Variants in SV2B observed in about 807,000 individuals in gnomAD.
The protein encoded by SV2B is solute carrier family 22 member B2.
In SV2B, 41 loss-of-function variants were observed where a neutral mutation model predicts 73.9. That is an observed-to-expected ratio of 0.56 (90% CI 0.43 to 0.72). The LOEUF (loss-of-function observed/expected upper bound fraction) is 0.72. SV2B is among the 30% of genes least tolerant of loss of function. The probability of loss-of-function intolerance (pLI) is 0.00; values close to 1 mark genes in which losing one functional copy is unlikely to be tolerated. For missense variants in SV2B, 764 were observed against 857.8 expected, an observed-to-expected ratio of 0.89 and a Z score of 1.37; for synonymous variants, 314 against 314.2, an observed-to-expected ratio of 1.00 and a Z score of 0.01.
intron 1 of SV2B, among the ~76,000 whole-genome samples, chr15:91,151,564 A>G (rs1310850823): frequency 2.0e-5 from 3 of 152,266 alleles, no homozygotes; most frequent in Non-Finnish European, 4.4e-5. Flanking sequence ...ACACAGGGAA[A>G]GATAGAATTA....
At chr15:91,275,453 A>G (rs746949021) in intron 9 of SV2B, among the ~76,000 whole-genome samples, 1 of 152,170 alleles carries the variant, frequency 6.6e-6, no homozygotes, top group Non-Finnish European at 1.5e-5. Flanking sequence ...TACTTGTTTT[A>G]CATATGCTAT....
At position 91,220,902 on chromosome 15, in the gene SV2B, C is replaced by T. The variant is rs1386359537; in HGVS notation, c.-391-4971C>T. 6.6e-6 allele frequency among the ~76,000 whole-genome samples: 1 copy of T among 152,030 alleles called. No individual in the cohort carries two copies. Among genetic ancestry groups the T allele is most frequent in the Admixed American group, 6.6e-5 (1 of 15,262 alleles). On this transcript the variant is annotated intron_variant, in intron 1 of 12. Coordinates refer to ENST00000394232, the MANE Select transcript of SV2B (RefSeq NM_001323032.3). The surrounding 1 kb of genome is among the most constrained non-coding windows in gnomAD (Gnocchi z 4.1). Reference sequence around the variant, plus strand: ...TTTTGAGACAGGGGTCTCTCTCTTTCACCCAGGCTGGAGGGCAGTGACATG... The same window carrying T: ...TTTTGAGACAGGGGTCTCTCTCTTTTACCCAGGCTGGAGGGCAGTGACATG...
At position 91,242,759 on chromosome 15, in the gene SV2B, A is replaced by C. The variant is rs2047071433; in HGVS notation, c.452-9060A>C. Among the ~76,000 whole-genome samples the C allele has an allele frequency of 6.6e-6, 1 of 152,196 alleles. No individual in the cohort carries two copies. The highest frequency in any genetic ancestry group is 6.5e-5 in the Admixed American group (1 of 15,278). On this transcript the variant is annotated intron_variant, in intron 2 of 12. Coordinates refer to ENST00000394232, the MANE Select transcript of SV2B (RefSeq NM_001323032.3). This position sits in a 1 kb window ranked among gnomAD's most constrained non-coding sequence, Gnocchi z 4.9. ...CAGGAGTTACCTATTATTTTTTTAA[A>C]TACGAATACTCACTTTCTGAACATG...
At chr15:91,160,591 G>T (rs1468889623) in intron 1 of SV2B, among the ~76,000 whole-genome samples, 1 of 152,176 alleles carries the variant, frequency 6.6e-6, no homozygotes, top group Admixed American at 6.5e-5. Flanking sequence ...CTGGGTGACA[G>T]AATGAGACTC....
At position 91,128,249 on chromosome 15, in the gene SV2B, C is replaced by T. The variant is rs2042542761; in HGVS notation, c.-392+27886C>T. Among the ~76,000 whole-genome samples the T allele has an allele frequency of 6.6e-6, 1 of 152,292 alleles. No individual in the cohort carries two copies. The highest frequency in any genetic ancestry group is 2.1e-4 in the South Asian group (1 of 4,826). ...TCCACCAGTGAGTCATCCGCAGAGG[C>T]TGTTCTCCAAGAAGGTGGGATGGGA... On this transcript the variant is annotated intron_variant, in intron 1 of 12. Coordinates refer to ENST00000394232, the MANE Select transcript of SV2B (RefSeq NM_001323032.3). The surrounding 1 kb of genome is among the most constrained non-coding windows in gnomAD (Gnocchi z 4.2).
At chr15:91,206,203 T>TA (rs2141404101) in intron 1 of SV2B, among the ~76,000 whole-genome samples, 1 of 136,452 alleles carries the variant, frequency 7.3e-6, no homozygotes, top group South Asian at 2.5e-4. Flanking sequence ...ATGCCTGGCT[T>TA]TTTTTTTTTT....
At position 91,226,549 on chromosome 15, in the gene SV2B, G is replaced by A. The variant is rs767982613; in HGVS notation, c.286G>A (p.Glu96Lys). 11 of 1,614,070 alleles carry A rather than the reference G, an allele frequency of 6.8e-6. No individual in the cohort carries two copies. The highest frequency in any genetic ancestry group is 1.7e-5 in the Admixed American group (1 of 60,004). The stretch of plus-strand genomic sequence containing the variant: ...TGAGGAGCAGTTGGCCCACCAGTAC[G>A]AGACCATCATGGATGAGTGTGGCCA... ...EDEEQLAHQY[E>K]TIMDECGHGR... Residue 96 changes from glutamate to lysine, a missense_variant, in exon 2 of 13, where the codon GAG becomes AAG. Glu to Lys is a moderately conservative substitution (Grantham distance 56). Transcript: ENST00000394232.
chr15:91,301,035 A>G lies in SV2B; in HGVS notation c.*8483A>G, dbSNP rs2049427048. On this transcript the variant is annotated 3_prime_UTR_variant, in exon 13 of 13. Coordinates refer to ENST00000394232, the MANE Select transcript of SV2B (RefSeq NM_001323032.3). This position sits in a 1 kb window ranked among gnomAD's most constrained non-coding sequence, Gnocchi z 4.3. The stretch of plus-strand genomic sequence containing the variant: ...CTTCAACCTGAGATAATTAAGAGTC[A>G]TTACGTTTCCCAGTCCCATGTCACA... The G allele has an allele frequency of 6.6e-6, 1 of 152,222 alleles. No individual in the cohort carries two copies. Among genetic ancestry groups the G allele is most frequent in the Non-Finnish European group, 1.5e-5 (1 of 68,052 alleles). The allele number at this position is 152,222 out of a possible 1,614,324, so 9.4% of individuals were successfully genotyped here.
rs1035466222 is a variant in SV2B, at chr15:91,121,882, C to T, written c.-392+21519C>T. 5.9e-5 allele frequency among the ~76,000 whole-genome samples: 9 copies of T among 151,396 alleles called. No individual in the cohort carries two copies. Among genetic ancestry groups the T allele is most frequent in the African/African-American group, 2.2e-4 (9 of 41,102 alleles). On this transcript the variant is annotated intron_variant, in intron 1 of 12. Transcript: ENST00000394232. This position sits in a 1 kb window ranked among gnomAD's most constrained non-coding sequence, Gnocchi z 4.4. Reference sequence around the variant, plus strand: ...CTCTGCCTTCTGGGTTCACGCCATTCTCCTGCCTCAGCCTCCCGAGTAGCT... The same window carrying T: ...CTCTGCCTTCTGGGTTCACGCCATTTTCCTGCCTCAGCCTCCCGAGTAGCT...
chr15:91,266,897 C>A, intron 7 of SV2B: 1 of 430,456 alleles, frequency 2.3e-6, no homozygotes, highest in South Asian at 5.6e-5. Context: ...CTCTCTAAAT[C>A]TTAGTTTCTT....
chr15:91,172,814 A>T (rs948110622), intron 1 of SV2B, among the ~76,000 whole-genome samples: 9 of 152,242 alleles, frequency 5.9e-5, no homozygotes, highest in African/African-American at 2.2e-4. Context: ...GTGAATTAAT[A>T]TACGTAAAGT....
chr15:91,150,085 C>A (rs529246352), intron 1 of SV2B, among the ~76,000 whole-genome samples: 1 of 152,270 alleles, frequency 6.6e-6, no homozygotes, highest in East Asian at 1.9e-4. Flanking sequence ...GCTACTGCAA[C>A]CTCCACCTTC....
intron 10 of SV2B, among the ~76,000 whole-genome samples, chr15:91,282,216 G>T (rs1030715954): frequency 6.6e-6 from 1 of 152,214 alleles, no homozygotes; most frequent in African/African-American, 2.4e-5. Context: ...TGCATTTTAT[G>T]CACGGAATGC....
chr15:91,162,175 G>T (rs1430279356), intron 1 of SV2B, among the ~76,000 whole-genome samples: 1 of 152,068 alleles, frequency 6.6e-6, no homozygotes, highest in East Asian at 1.9e-4. Context: ...TTTGGAGATT[G>T]ACTGGATAAT....
At chr15:91,138,577 G>T (rs2042911597) in intron 1 of SV2B, among the ~76,000 whole-genome samples, 1 of 152,064 alleles carries the variant, frequency 6.6e-6, no homozygotes, top group African/African-American at 2.4e-5. Context: ...AAAATGGATG[G>T]TTGCATCTGT....
intron 4 of SV2B, among the ~76,000 whole-genome samples, chr15:91,254,986 A>T (rs934264970): frequency 1.3e-5 from 2 of 152,154 alleles, no homozygotes; most frequent in Non-Finnish European, 2.9e-5. Flanking sequence ...ACACCAAGAG[A>T]TGCAGATCCG....
Position 91,261,027 on chromosome 15 carries a change from G to A in SV2B, c.1008+618G>A, listed in dbSNP as rs555144943. On this transcript the variant is annotated intron_variant, in intron 6 of 12. Transcript: ENST00000394232. This position sits in a 1 kb window ranked among gnomAD's most constrained non-coding sequence, Gnocchi z 4.7. ...GCAGAGCCACACCACATCAGAGGCC[G>A]AGGCTGGCAGATCACTTGAAGTCAG... is the stretch of plus-strand genomic sequence containing the variant. Among the ~76,000 whole-genome samples, 1 of 152,204 alleles carries A rather than the reference G, an allele frequency of 6.6e-6. No homozygotes were observed. The highest frequency in any genetic ancestry group is 6.5e-5 in the Admixed American group (1 of 15,278).
In SV2B at chr15:91,132,847, GA is replaced by G. The variant is rs541749040; in HGVS notation, c.-392+32494del. On this transcript the variant is annotated intron_variant, in intron 1 of 12. Coordinates refer to ENST00000394232, the MANE Select transcript of SV2B (RefSeq NM_001323032.3). The surrounding 1 kb of genome is among the most constrained non-coding windows in gnomAD (Gnocchi z 4.6). ...AGAGTGAGATCCTGTCTCTCAAAAA[GA>G]AAAAAAAAAGTGAGTTAATGTAGGG... 1.3e-4 allele frequency among the ~76,000 whole-genome samples: 19 copies of G among 147,784 alleles called. No individual in the cohort carries two copies. The South Asian group carries it at 1.5e-3, about 12-fold the overall frequency.
At position 91,137,645 on chromosome 15, in the gene SV2B, C is replaced by CATATATTTCATATAT. The variant is rs1567282238; in HGVS notation, c.-392+37288_-392+37289insTTCATATATATATAT. On this transcript the variant is annotated intron_variant, in intron 1 of 12. Transcript: ENST00000394232. The surrounding 1 kb of genome is among the most constrained non-coding windows in gnomAD (Gnocchi z 4.9). ...CATATATACATATATTTCATATATA[C>CATATATTTCATATAT]ATATATATTTCATATATACATATAT... Among the ~76,000 whole-genome samples the CATATATTTCATATAT allele has an allele frequency of 3.3e-5, 2 of 60,618 alleles. No homozygotes were observed. Among genetic ancestry groups the CATATATTTCATATAT allele is most frequent in the Non-Finnish European group, 6.7e-5 (2 of 29,888 alleles). The allele number at this position is 60,618 out of a possible 152,430, so 39.8% of individuals were successfully genotyped here. A position where few individuals can be genotyped will look rare whatever the true frequency, so the allele number is the denominator to read the frequency against.
Sources: allele counts gnomAD v4.1 joint callset (sites outside exome capture counted in the v4.1 genomes callset), GRCh38; gene constraint gnomAD v4.1.1; non-coding constraint Gnocchi (gnomAD v3.1); transcripts MANE v1.5; gene names NCBI Gene and HGNC (gene_info 2026-07-23, HGNC 2026-07-21).